Variants in RAP1A observed in about 807,000 individuals in gnomAD.
RAP1A encodes RAP1A, member of RAS oncogene family.
Under a neutral mutation model 26.4 loss-of-function variants are expected in RAP1A, and 6 were observed. The ratio of observed to expected loss-of-function variants is 0.23; its 90% CI spans 0.12 to 0.45. The LOEUF (loss-of-function observed/expected upper bound fraction) is 0.45, where lower values mean the gene tolerates loss of function less well. RAP1A is among the 20% of genes least tolerant of loss of function. RAP1A has a pLI of 0.99. For synonymous variants in RAP1A, 73 were observed against 79.4 expected (o/e 0.92, Z 0.43); for missense variants, 121 against 217.2 (o/e 0.56, Z 2.78).
At chr1:111,662,051 A>G (rs1660654104) in intron 1 of RAP1A, among the ~76,000 whole-genome samples, 1 of 152,114 alleles carries the variant, frequency 6.6e-6, no homozygotes, top group Non-Finnish European at 1.5e-5. Context: ...TCATGAAGGC[A>G]GGGCTTTAAC....
chr1:111,606,328 T>G (rs942131850), intron 1 of RAP1A, among the ~76,000 whole-genome samples: 1 of 149,666 alleles, frequency 6.7e-6, no homozygotes, highest in South Asian at 2.1e-4. Flanking sequence ...TATTTCAGGA[T>G]GAGGAACCTT....
At position 111,714,374 on chromosome 1, in the gene RAP1A, ACATCT is replaced by A. The variant is rs2101327892; in HGVS notation, c.*1978_*1982del. The A allele has an allele frequency of 6.6e-6, 1 of 152,358 alleles. No individual in the cohort carries two copies. Among genetic ancestry groups the A allele is most frequent in the Non-Finnish European group, 1.5e-5 (1 of 68,032 alleles). The allele number at this position is 152,358 out of a possible 1,614,324, so 9.4% of individuals were successfully genotyped here. A position where few individuals can be genotyped will look rare whatever the true frequency, so the allele number is the denominator to read the frequency against. ...CCTTTAAACTTAAGATCATAGACAG[ACATCT>A]CATCAACCAGTAAAACTTTCTAAAT... On this transcript the variant is annotated 3_prime_UTR_variant, in exon 8 of 8. Transcript: ENST00000369709.
At chr1:111,608,102 G>A (rs1394848162) in intron 1 of RAP1A, 8 of 165,134 alleles carry the variant, frequency 4.8e-5, no homozygotes, top group African/African-American at 1.9e-4. Flanking sequence ...TCACTTCCCA[G>A]ACGGGGTGAC....
chr1:111,669,338 A>G (rs1025967473), intron 1 of RAP1A, among the ~76,000 whole-genome samples: 1 of 152,190 alleles, frequency 6.6e-6, no homozygotes, highest in African/African-American at 2.4e-5. Flanking sequence ...AGATTTGACT[A>G]TGTGACAAGG....
intron 1 of RAP1A, among the ~76,000 whole-genome samples, chr1:111,550,307 T>A (rs1014024307): frequency 6.6e-6 from 1 of 152,166 alleles, no homozygotes; most frequent in Admixed American, 6.5e-5. Flanking sequence ...CTCTAATATT[T>A]TTCTAATCTC....
chr1:111,617,966 C>T (rs1176150809), upstream of RAP1A, among the ~76,000 whole-genome samples: 4 of 151,620 alleles, frequency 2.6e-5, no homozygotes, highest in Admixed American at 1.3e-4. Flanking sequence ...TCGCTCGAAC[C>T]AGGGAGTTGG....
intron 1 of RAP1A, among the ~76,000 whole-genome samples, chr1:111,642,573 C>T (rs897439014): frequency 1.6e-4 from 24 of 151,708 alleles, no homozygotes; most frequent in African/African-American, 2.2e-4. Flanking sequence ...CTGCAAGCTC[C>T]GCTTCCTAGG....
chr1:111,542,843 T>A (rs1656888273), intron 1 of RAP1A, among the ~76,000 whole-genome samples: 1 of 152,070 alleles, frequency 6.6e-6, no homozygotes. Flanking sequence ...ACTACAGGCA[T>A]GAACCACCAT....
intron 1 of RAP1A, among the ~76,000 whole-genome samples, chr1:111,641,337 C>T (rs191424608): frequency 6.6e-6 from 1 of 152,302 alleles, no homozygotes; most frequent in African/African-American, 2.4e-5. Flanking sequence ...TCTTACCACT[C>T]TTCTCCTTGA....
At chr1:111,643,849 A>G (rs867351250) in intron 1 of RAP1A, among the ~76,000 whole-genome samples, 5 of 152,368 alleles carry the variant, frequency 3.3e-5, no homozygotes, top group Middle Eastern at 3.4e-3. Context: ...AAATAAAGAT[A>G]CTTATTTCAA....
At chr1:111,642,608 C>G (rs958956640) in intron 1 of RAP1A, among the ~76,000 whole-genome samples, 1 of 151,932 alleles carries the variant, frequency 6.6e-6, no homozygotes, top group East Asian at 1.9e-4. Context: ...CTGCGTCAGC[C>G]TCCTGAGTAG....
chr1:111,668,163 C>T (rs1053291084), intron 1 of RAP1A, among the ~76,000 whole-genome samples: 25 of 152,106 alleles, frequency 1.6e-4, no homozygotes, highest in African/African-American at 6.0e-4. Context: ...TGGGTTAGCC[C>T]AAAAGTATCT....
At chr1:111,705,024 G>A (rs558582779) in intron 6 of RAP1A, among the ~76,000 whole-genome samples, 36 of 152,118 alleles carry the variant, frequency 2.4e-4, no homozygotes, top group African/African-American at 8.0e-4. Context: ...GGGCATGGGG[G>A]TGGGGTCACT....
chr1:111,622,370 G>A (rs2101091048), intron 1 of RAP1A, among the ~76,000 whole-genome samples: 1 of 151,964 alleles, frequency 6.6e-6, no homozygotes, highest in East Asian at 1.9e-4. Flanking sequence ...CTTGCTTACT[G>A]TACTCCAGCC....
intron 1 of RAP1A, among the ~76,000 whole-genome samples, chr1:111,667,856 A>G (rs1660845755): frequency 6.6e-6 from 1 of 152,202 alleles, no homozygotes; most frequent in Non-Finnish European, 1.5e-5. Context: ...AGCTAGACTC[A>G]GCACTCAGAG....
intron 1 of RAP1A, among the ~76,000 whole-genome samples, chr1:111,686,356 T>C (rs1335236311): frequency 6.6e-6 from 1 of 152,162 alleles, no homozygotes; most frequent in Non-Finnish European, 1.5e-5. Flanking sequence ...TCCAACACTT[T>C]GGGAGGCCGA....
At chr1:111,568,164 T>C (rs890033585) in intron 1 of RAP1A, among the ~76,000 whole-genome samples, 1 of 152,210 alleles carries the variant, frequency 6.6e-6, no homozygotes, top group Non-Finnish European at 1.5e-5. Context: ...AGTCACTGTG[T>C]TAGTCTGTTC....
chr1:111,691,451 T>C (rs750254894), intron 2 of RAP1A, 34 bp downstream of exon 2: 24 of 1,560,564 alleles, frequency 1.5e-5, no homozygotes, highest in East Asian at 4.5e-5. Flanking sequence ...CTGATTAATA[T>C]AATACAAGAA....
intron 1 of RAP1A, among the ~76,000 whole-genome samples, chr1:111,554,432 T>C (rs1657398825): frequency 6.6e-6 from 1 of 152,146 alleles, no homozygotes; most frequent in Non-Finnish European, 1.5e-5. Flanking sequence ...GGAGGGTGAA[T>C]GCTAAAGCTG....
Sources: gnomAD v4.1 joint callset for allele counts (sites outside exome capture counted in the v4.1 genomes callset) on GRCh38, gnomAD v4.1.1 for gene constraint, MANE v1.5 for transcripts, NCBI Gene and HGNC (gene_info 2026-07-23, HGNC 2026-07-21) for gene names.